Variants in DLGAP1 observed in about 807,000 individuals in gnomAD.
The protein encoded by DLGAP1 is DLG associated protein 1, also known as disks large-associated protein 1.
DLGAP1 carries 11 observed loss-of-function variants against 90.8 expected under a neutral mutation model. The observed-to-expected ratio is 0.12, with a 90% CI of 0.08 to 0.20. The LOEUF (loss-of-function observed/expected upper bound fraction) is 0.20, where lower values mean the gene tolerates loss of function less well. DLGAP1 is among the 10% of genes least tolerant of loss of function. The pLI is 1.00. For synonymous variants in DLGAP1, 558 were observed against 540.7 expected, an observed-to-expected ratio of 1.03 and a Z score of -0.44; for missense variants, 1,050 against 1,333.8, an observed-to-expected ratio of 0.79 and a Z score of 3.31.
At chr18:3,583,143 G>A (rs1044799433) in intron 7 of DLGAP1, among the ~76,000 whole-genome samples, 1 of 113,610 alleles carries the variant, frequency 8.8e-6, no homozygotes, top group African/African-American at 2.9e-5. Flanking sequence ...CTGACTGACC[G>A]ACCTACCTAC....
At chr18:3,850,146 C>G (rs1464607200) in intron 4 of DLGAP1, among the ~76,000 whole-genome samples, 2 of 151,732 alleles carry the variant, frequency 1.3e-5, no homozygotes, top group African/African-American at 4.8e-5. Context: ...GTGGGCGGAT[C>G]ACTTCAAGTC....
intron 3 of DLGAP1, among the ~76,000 whole-genome samples, chr18:3,980,800 CAT>C (rs1197832467): frequency 6.6e-6 from 1 of 151,994 alleles, no homozygotes; most frequent in Non-Finnish European, 1.5e-5. Flanking sequence ...TGTTTTGAAA[CAT>C]GCATACACGT....
At chr18:3,950,311 T>A (rs2072959073) in intron 3 of DLGAP1, among the ~76,000 whole-genome samples, 1 of 152,238 alleles carries the variant, frequency 6.6e-6, no homozygotes, top group African/African-American at 2.4e-5. Flanking sequence ...ATGTTTTCTC[T>A]CCTACCTGGT....
intron 1 of DLGAP1, among the ~76,000 whole-genome samples, chr18:4,428,977 G>A (rs2083219231): frequency 6.6e-6 from 1 of 152,176 alleles, no homozygotes; most frequent in Non-Finnish European, 1.5e-5. Flanking sequence ...CACGTCACTA[G>A]TGTCAGGAAA....
chr18:3,843,421 T>C (rs1420446756), intron 4 of DLGAP1, among the ~76,000 whole-genome samples: 1 of 152,198 alleles, frequency 6.6e-6, no homozygotes, highest in Non-Finnish European at 1.5e-5. Context: ...CTTCTTATTG[T>C]ACAAATGGCA....
chr18:3,982,534 T>C (rs1379887610), intron 3 of DLGAP1, among the ~76,000 whole-genome samples: 3 of 152,182 alleles, frequency 2.0e-5, no homozygotes, highest in Non-Finnish European at 4.4e-5. Context: ...GGTAATTAAC[T>C]TCTCTGAACA....
chr18:4,271,265 G>A lies in DLGAP1; in HGVS notation c.-266-119978C>T, dbSNP rs576821257. 4.6e-5 allele frequency among the ~76,000 whole-genome samples: 7 copies of A among 152,236 alleles called. No individual in the cohort carries two copies. In the East Asian group the frequency reaches 1.2e-3, roughly 25 times the overall value. ...ACCAATATTTTTGAAGCTCCCTCCC[G>A]AAGTACTTCTAATGATTGTTAATCA... On this transcript the variant is annotated intron_variant, in intron 1 of 12. Coordinates refer to ENST00000315677, the MANE Select transcript of DLGAP1 (RefSeq NM_004746.4).
At chr18:3,757,704 G>A (rs2063773928) in intron 5 of DLGAP1, among the ~76,000 whole-genome samples, 1 of 152,182 alleles carries the variant, frequency 6.6e-6, no homozygotes, top group Non-Finnish European at 1.5e-5. Flanking sequence ...AGCTATTAAT[G>A]ATAAAGACTG....
chr18:3,566,177 A>G (rs767503265), intron 9 of DLGAP1, among the ~76,000 whole-genome samples: 1 of 151,476 alleles, frequency 6.6e-6, no homozygotes, highest in African/African-American at 2.5e-5. Context: ...ATGTTTCACA[A>G]TTGTTTACCT....
chr18:3,896,550 T>C (rs2071630280), intron 3 of DLGAP1: 1 of 152,212 alleles, frequency 6.6e-6, no homozygotes, highest in Non-Finnish European at 1.5e-5. Flanking sequence ...TACCATCAGG[T>C]ATGGATCAGT....
At chr18:3,732,669 G>A (rs1239188440) in intron 6 of DLGAP1, among the ~76,000 whole-genome samples, 1 of 152,096 alleles carries the variant, frequency 6.6e-6, no homozygotes, top group Admixed American at 6.6e-5. Context: ...GTCAGTGGGA[G>A]CCTTTTAGGT....
At position 4,099,455 on chromosome 18, in the gene DLGAP1, G is replaced by A. The variant is rs188512608; in HGVS notation, c.-159+51725C>T. ...ATGATTTTTTTCAGTTTCCCAATGC[G>A]TGTAAGAGTTATGTGTACACTGCAC... On this transcript the variant is annotated intron_variant, in intron 2 of 12. Coordinates refer to ENST00000315677, the MANE Select transcript of DLGAP1 (RefSeq NM_004746.4). 3.3e-3 allele frequency among the ~76,000 whole-genome samples: 499 copies of A among 152,226 alleles called. 2 individuals carry two copies. Among genetic ancestry groups the A allele is most frequent in the Non-Finnish European group, 4.4e-3 (302 of 68,034 alleles).
intron 9 of DLGAP1, among the ~76,000 whole-genome samples, chr18:3,548,280 A>T (rs552803997): frequency 2.2e-3 from 331 of 152,036 alleles, no homozygotes; most frequent in African/African-American, 7.6e-3. Flanking sequence ...ATTTTTCTAA[A>T]AAAAAATCAG....
intron 7 of DLGAP1, among the ~76,000 whole-genome samples, chr18:3,697,735 T>C (rs1346986447): frequency 6.6e-6 from 1 of 152,142 alleles, no homozygotes; most frequent in Non-Finnish European, 1.5e-5. Context: ...GTCCTGAATT[T>C]CCTTGTTAAT....
intron 4 of DLGAP1, among the ~76,000 whole-genome samples, chr18:3,817,522 T>C (rs3862173): frequency 0.76 from 115,475 of 151,868 alleles, 44,147 homozygotes; most frequent in African/African-American, 0.83. Flanking sequence ...CAGTAATCCG[T>C]TCTAGGGAAA....
chr18:4,323,996 A>G (rs1470418823), intron 1 of DLGAP1, among the ~76,000 whole-genome samples: 1 of 152,168 alleles, frequency 6.6e-6, no homozygotes, highest in Non-Finnish European at 1.5e-5. Context: ...CCCCAAAGGA[A>G]GCAGAAGACA....
chr18:4,260,455 CAAGTT>C (rs1206124354), intron 1 of DLGAP1, among the ~76,000 whole-genome samples: 1 of 152,106 alleles, frequency 6.6e-6, no homozygotes, highest in Non-Finnish European at 1.5e-5. Flanking sequence ...AGAAAAAGCT[CAAGTT>C]AAGTTTCACT....
chr18:3,568,979 C>T (rs931726416), intron 8 of DLGAP1, among the ~76,000 whole-genome samples: 1 of 151,484 alleles, frequency 6.6e-6, no homozygotes, highest in African/African-American at 2.4e-5. Flanking sequence ...AGCCACCACG[C>T]CTGGCCTAAA....
intron 6 of DLGAP1, 62 bp downstream of exon 6, chr18:3,742,273 A>G (rs1395698730): frequency 6.3e-7 from 1 of 1,577,634 alleles, no homozygotes; most frequent in African/African-American, 1.3e-5. Flanking sequence ...ATGCCCTCTC[A>G]ATTCTCACTA....
Sources: allele counts gnomAD v4.1 joint callset (sites outside exome capture counted in the v4.1 genomes callset), GRCh38; gene constraint gnomAD v4.1.1; transcripts MANE v1.5; gene names NCBI Gene and HGNC (gene_info 2026-07-23, HGNC 2026-07-21).